NAV2: variants seen among roughly 807,000 people sequenced by gnomAD.
The protein encoded by NAV2 is helicase, APC down-regulated 1.
NAV2 carries 54 observed loss-of-function variants against 223.2 expected under a neutral mutation model. That is an observed-to-expected ratio of 0.24 (90% CI 0.19 to 0.30). The LOEUF is 0.30. Among genes scored for constraint, NAV2 ranks in the 10% least tolerant of loss-of-function variants. The pLI is 1.00. For synonymous variants in NAV2, 1,279 were observed against 1,239.3 expected (o/e 1.03, Z -0.67); for missense variants, 2,806 against 3,147.5 (o/e 0.89, Z 2.60).
chr11:19,365,438 G>C (rs1374492159), intron 1 of NAV2, among the ~76,000 whole-genome samples: 1 of 152,200 alleles, frequency 6.6e-6, no homozygotes, highest in Non-Finnish European at 1.5e-5. Context: ...CCTTCAGAAA[G>C]TCACTTCACC....
chr11:19,612,373 A>C (rs566925852), intron 1 of NAV2, among the ~76,000 whole-genome samples: 3 of 152,206 alleles, frequency 2.0e-5, no homozygotes, highest in Admixed American at 2.0e-4. Flanking sequence ...GCCAGCTTGA[A>C]TCTCTCCCCA....
intron 7 of NAV2, among the ~76,000 whole-genome samples, chr11:19,934,826 T>TC (rs1283682745): frequency 2.4e-4 from 1 of 4,110 alleles, no homozygotes; most frequent in African/African-American, 2.9e-4. Flanking sequence ...GGGGAGGGGC[T>TC]GGTCTAGAAG....
At chr11:19,380,239 G>A (rs1848791150) in intron 1 of NAV2, among the ~76,000 whole-genome samples, 1 of 152,186 alleles carries the variant, frequency 6.6e-6, no homozygotes, top group Non-Finnish European at 1.5e-5. Context: ...ACAACACAGT[G>A]ATGTTGATAC....
intron 1 of NAV2, among the ~76,000 whole-genome samples, chr11:19,580,196 AG>A (rs938106584): frequency 6.6e-6 from 1 of 152,112 alleles, no homozygotes; most frequent in Non-Finnish European, 1.5e-5. Context: ...GTACCCTCGG[AG>A]AGCCACAGCC....
intron 1 of NAV2, among the ~76,000 whole-genome samples, chr11:19,510,110 A>T (rs2043232979): frequency 6.6e-6 from 1 of 152,224 alleles, no homozygotes; most frequent in South Asian, 2.1e-4. Flanking sequence ...GAAAACAGGG[A>T]CCAAGAGAGA....
chr11:19,928,530 A>G (rs1336275484), intron 6 of NAV2, among the ~76,000 whole-genome samples: 1 of 152,220 alleles, frequency 6.6e-6, no homozygotes, highest in African/African-American at 2.4e-5. Context: ...GTTGTTAGTT[A>G]TCAGGGAAAT....
At chr11:19,909,249 T>C (rs138446720) in intron 6 of NAV2, among the ~76,000 whole-genome samples, 1 of 152,288 alleles carries the variant, frequency 6.6e-6, no homozygotes, top group African/African-American at 2.4e-5. Flanking sequence ...TTTAATCTAG[T>C]TCATATGGGA....
At chr11:20,015,125 T>C (rs983930545) in intron 11 of NAV2, among the ~76,000 whole-genome samples, 12 of 152,280 alleles carry the variant, frequency 7.9e-5, no homozygotes, top group African/African-American at 2.4e-4. Flanking sequence ...ATAAAAGACC[T>C]AATTGCCACA....
intron 2 of NAV2, among the ~76,000 whole-genome samples, chr11:19,838,658 C>G (rs1209258174): frequency 1.3e-5 from 2 of 152,234 alleles, no homozygotes; most frequent in African/African-American, 2.4e-5. Flanking sequence ...GGGTCTCACT[C>G]TGTCACCCAG....
At chr11:20,032,391 C>T (rs1483573748) in intron 11 of NAV2, among the ~76,000 whole-genome samples, 2 of 152,166 alleles carry the variant, frequency 1.3e-5, no homozygotes, top group African/African-American at 2.4e-5. Flanking sequence ...GCCACATGCC[C>T]CTCCGGAATA....
At position 19,933,525 on chromosome 11, in the gene NAV2, T is replaced by C. The variant is rs2045578014; in HGVS notation, c.1281T>C (p.Cys427=). Residue 427 remains cysteine, a synonymous_variant, in exon 7 of 38, where the codon TGT becomes TGC. Transcript: ENST00000349880. The surrounding 1 kb of genome is among the most constrained non-coding windows in gnomAD (Gnocchi z 4.3). ...GGCCGGGGTCCCGGGACACAAGCTG[T>C]GAGCGGCTGGAGACTCTGCCCAGCT... is the stretch of plus-strand genomic sequence containing the variant. ...GEGPGSRDTS[C]ERLETLPSFE... is the part of the protein sequence containing the mutation. The C allele has an allele frequency of 6.2e-7, 1 of 1,610,192 alleles. No individual in the cohort carries two copies. Among genetic ancestry groups the C allele is most frequent in the Non-Finnish European group, 8.5e-7 (1 of 1,178,276 alleles).
At chr11:19,534,889 G>A (rs1312925710) in intron 1 of NAV2, among the ~76,000 whole-genome samples, 1 of 152,196 alleles carries the variant, frequency 6.6e-6, no homozygotes, top group African/African-American at 2.4e-5. Flanking sequence ...TGCCACTTGT[G>A]CACTGCATGA....
intron 1 of NAV2, among the ~76,000 whole-genome samples, chr11:19,685,659 G>A (rs1044335453): frequency 1.3e-5 from 2 of 152,186 alleles, no homozygotes; most frequent in African/African-American, 4.8e-5. Context: ...GATTGCAAGT[G>A]CAACAGGAAT....
intron 10 of NAV2, among the ~76,000 whole-genome samples, chr11:19,960,426 T>C (rs2048254488): frequency 6.6e-6 from 1 of 152,080 alleles, no homozygotes; most frequent in African/African-American, 2.4e-5. Flanking sequence ...AGGGTAATTG[T>C]TACTTAATTG....
intron 3 of NAV2, among the ~76,000 whole-genome samples, chr11:19,863,840 C>T (rs1007921494): frequency 1.3e-5 from 2 of 152,212 alleles, no homozygotes; most frequent in Admixed American, 6.5e-5. Context: ...TTATTCACCA[C>T]TATATACTCA....
chr11:20,054,301 A>G, intron 18 of NAV2, 61 bp downstream of exon 18: 4 of 1,437,018 alleles, frequency 2.8e-6, no homozygotes, highest in Non-Finnish European at 2.8e-6. Flanking sequence ...GTTATCTTAT[A>G]TACATAACAT....
At chr11:19,763,968 T>C (rs2054996832) in intron 1 of NAV2, among the ~76,000 whole-genome samples, 1 of 152,152 alleles carries the variant, frequency 6.6e-6, no homozygotes, top group Non-Finnish European at 1.5e-5. Context: ...TGGGTCTGAC[T>C]GGAAATTGAG....
intron 1 of NAV2, among the ~76,000 whole-genome samples, chr11:19,681,142 T>C (rs893426520): frequency 1.3e-5 from 2 of 152,144 alleles, no homozygotes; most frequent in Non-Finnish European, 2.9e-5. Context: ...GAGCCAGGGG[T>C]TGAACTGAAA....
chr11:19,766,659 G>T (rs2055254763), intron 1 of NAV2, among the ~76,000 whole-genome samples: 1 of 152,142 alleles, frequency 6.6e-6, no homozygotes, highest in African/African-American at 2.4e-5. Context: ...TAGTTCTGGA[G>T]CCACTTTATG....
Sources: allele counts gnomAD v4.1 joint callset (sites outside exome capture counted in the v4.1 genomes callset), GRCh38; gene constraint gnomAD v4.1.1; non-coding constraint Gnocchi (gnomAD v3.1); transcripts MANE v1.5; gene names NCBI Gene and HGNC (gene_info 2026-07-23, HGNC 2026-07-21).